Variants in RNMT observed in about 807,000 individuals in gnomAD.
RNMT encodes the protein mRNA cap guanine-N(7) methyltransferase.
A neutral mutation model predicts 56.0 loss-of-function variants in RNMT; 27 were observed. The observed-to-expected ratio is 0.48, with a 90% CI of 0.36 to 0.67. The LOEUF (loss-of-function observed/expected upper bound fraction) is 0.67, where lower values mean the gene tolerates loss of function less well. Ranked by LOEUF, RNMT falls within the 30% of genes least tolerant of loss-of-function variation. The pLI, the probability that RNMT is intolerant of heterozygous loss-of-function variation, is 0.00. For missense variants in RNMT, 519 were observed against 552.1 expected, an observed-to-expected ratio of 0.94 and a Z score of 0.60; for synonymous variants, 184 against 176.2, an observed-to-expected ratio of 1.04 and a Z score of -0.35.
At chr18:13,745,840 GA>G (rs1177610539) in intron 8 of RNMT, among the ~76,000 whole-genome samples, 1 of 152,140 alleles carries the variant, frequency 6.6e-6, no homozygotes, top group Non-Finnish European at 1.5e-5. Flanking sequence ...CAGAGAAGTC[GA>G]GATGAAAGTG....
chr18:13,732,203 C>CTT (rs11461917), intron 3 of RNMT, among the ~76,000 whole-genome samples: 60 of 151,936 alleles, frequency 3.9e-4, no homozygotes, highest in African/African-American at 1.3e-3. Context: ...TAACTAGAAA[C>CTT]TTTTTTTTCC....
intron 9 of RNMT, among the ~76,000 whole-genome samples, chr18:13,750,536 A>G (rs951183678): frequency 3.9e-5 from 6 of 152,142 alleles, no homozygotes; most frequent in Non-Finnish European, 5.9e-5. Context: ...GTGGTGGTTC[A>G]CACCTGTGAT....
At chr18:13,732,001 G>C in intron 3 of RNMT, 67 bp downstream of exon 3, 1 of 1,272,466 alleles carries the variant, frequency 7.9e-7, no homozygotes, top group Non-Finnish European at 1.1e-6. Context: ...AACACCCGTG[G>C]ATTCATACTG....
intron 4 of RNMT, among the ~76,000 whole-genome samples, chr18:13,736,019 G>C (rs1428309459): frequency 6.6e-6 from 1 of 152,054 alleles, no homozygotes; most frequent in Admixed American, 6.6e-5. Context: ...ATGTGATAAA[G>C]GCTTTTTTGA....
intron 5 of RNMT, 126 bp downstream of exon 5, chr18:13,737,261 G>T (rs181946323): frequency 4.9e-6 from 4 of 821,928 alleles, no homozygotes; most frequent in Non-Finnish European, 5.5e-6. Context: ...AATTAATTAC[G>T]GCCTGACGCG....
rs912702325 is a variant in RNMT, at chr18:13,726,951, C to G, written c.-172+222C>G. ...GGCGCTGTTCCTCCTCCAGACTGGG[C>G]GAGCCCGGGTGGGAGAAGCAGCTCG... On this transcript the variant is annotated intron_variant, in intron 1 of 11. Coordinates refer to ENST00000383314, the MANE Select transcript of RNMT (RefSeq NM_003799.3). 10 of 152,338 alleles carry G rather than the reference C, an allele frequency of 6.6e-5. 1 individual carries two copies. Among genetic ancestry groups the G allele is most frequent in the African/African-American group, 2.2e-4 (9 of 41,438 alleles). 9.4% of individuals were successfully genotyped at this position (152,338 alleles called of 1,614,324 possible). A position where few individuals can be genotyped will look rare whatever the true frequency, so the allele number is the denominator to read the frequency against.
intron 1 of RNMT, among the ~76,000 whole-genome samples, chr18:13,729,641 G>A (rs1022824679): frequency 2.0e-5 from 3 of 152,156 alleles, no homozygotes; most frequent in Admixed American, 1.3e-4. Context: ...ACCTCAAATG[G>A]TGGGTCATGA....
chr18:13,741,878 G>C (rs1369132010), intron 7 of RNMT, among the ~76,000 whole-genome samples, 187 bp downstream of exon 7: 1 of 152,144 alleles, frequency 6.6e-6, no homozygotes, highest in African/African-American at 2.4e-5. Flanking sequence ...ACTTTTAACA[G>C]TTCATCTTTG....
intron 1 of RNMT, among the ~76,000 whole-genome samples, chr18:13,727,062 C>T (rs185517524): frequency 6.6e-6 from 1 of 152,352 alleles, no homozygotes; most frequent in South Asian, 2.1e-4. Flanking sequence ...CTTCGGAAAC[C>T]TGAACCAGAG....
Position 13,762,968 on chromosome 18 carries a change from T to C in RNMT, c.*2989T>C. ...TTTTTGTTGAAAAACTGACTTTCTG[T>C]TGTCTACCTCAGGCCTTGTGCATTT... is the stretch of plus-strand genomic sequence containing the variant. On this transcript the variant is annotated 3_prime_UTR_variant, in exon 12 of 12. Coordinates refer to ENST00000383314, the MANE Select transcript of RNMT (RefSeq NM_003799.3). The C allele has an allele frequency of 2.6e-6, 1 of 388,330 alleles. No individual in the cohort carries two copies. The highest frequency in any genetic ancestry group is 1.8e-5 in the South Asian group (1 of 54,476). 24.1% of individuals were successfully genotyped at this position (388,330 alleles called of 1,614,324 possible). A position where few individuals can be genotyped will look rare whatever the true frequency, so the allele number is the denominator to read the frequency against.
At chr18:13,740,400 G>T in intron 6 of RNMT, 121 bp downstream of exon 6, 1 of 617,006 alleles carries the variant, frequency 1.6e-6, no homozygotes, top group Admixed American at 2.8e-5. Context: ...TTTTGAGACA[G>T]GGTCTTACTC....
rs192527400 is a variant in RNMT at position 13,760,832 on chromosome 18, T to C, written c.*853T>C. On this transcript the variant is annotated 3_prime_UTR_variant, in exon 12 of 12. Coordinates refer to ENST00000383314, the MANE Select transcript of RNMT (RefSeq NM_003799.3). ...GGAATATTCTCACCATCTGATGCCA[T>C]GTACCCACTTCAGAAATAAGCAATA... The C allele has an allele frequency of 2.5e-4, 248 of 985,478 alleles. 2 individuals are homozygous for C. The African/African-American group carries it at 3.7e-3, about 15-fold the overall frequency. The allele number at this position is 985,478 out of a possible 1,614,324, so 61.0% of individuals were successfully genotyped here.
At chr18:13,739,033 G>T (rs1261763234) in intron 5 of RNMT, among the ~76,000 whole-genome samples, 1 of 152,134 alleles carries the variant, frequency 6.6e-6, no homozygotes, top group Non-Finnish European at 1.5e-5. Flanking sequence ...TGTCGCCCAA[G>T]GGTTGGGGAA....
chr18:13,751,649 T>A (rs984935799), intron 9 of RNMT, among the ~76,000 whole-genome samples: 6 of 152,194 alleles, frequency 3.9e-5, no homozygotes, highest in Admixed American at 1.3e-4. Flanking sequence ...ATCATGCTGC[T>A]ACAAAGACAC....
intron 4 of RNMT, among the ~76,000 whole-genome samples, chr18:13,735,212 A>G (rs961202752): frequency 1.3e-5 from 2 of 152,156 alleles, no homozygotes; most frequent in Non-Finnish European, 1.5e-5. Context: ...ATTTTTCATA[A>G]TAAAGATTTT....
At chr18:13,743,975 TA>T (rs935230734) in intron 8 of RNMT, among the ~76,000 whole-genome samples, 2 of 151,990 alleles carry the variant, frequency 1.3e-5, no homozygotes, top group African/African-American at 4.8e-5. Context: ...TTAAAACTAA[TA>T]AACTGGGGAA....
At chr18:13,727,666 C>G (rs1487132954) in intron 1 of RNMT, among the ~76,000 whole-genome samples, 2 of 152,168 alleles carry the variant, frequency 1.3e-5, no homozygotes, top group Non-Finnish European at 1.5e-5. Context: ...TGTGTCCACC[C>G]CACTGTACTA....
chr18:13,758,491 C>T (rs556539679), intron 11 of RNMT, among the ~76,000 whole-genome samples: 2 of 152,224 alleles, frequency 1.3e-5, no homozygotes, highest in Non-Finnish European at 2.9e-5. Context: ...TTTCCTTAAA[C>T]GTCCTGAACC....
At chr18:13,753,812 C>T (rs2149105243) in intron 10 of RNMT, among the ~76,000 whole-genome samples, 1 of 116,572 alleles carries the variant, frequency 8.6e-6, no homozygotes, top group Non-Finnish European at 1.7e-5. Flanking sequence ...ATGCATTTTC[C>T]AGTTACACAC....
Sources: gnomAD v4.1 joint callset for allele counts (sites outside exome capture counted in the v4.1 genomes callset) on GRCh38, gnomAD v4.1.1 for gene constraint, MANE v1.5 for transcripts, NCBI Gene and HGNC (gene_info 2026-07-23, HGNC 2026-07-21) for gene names.